ERBB4: variants seen among roughly 807,000 people sequenced by gnomAD.
The protein encoded by ERBB4 is receptor tyrosine-protein kinase erbB-4.
ERBB4 carries 42 observed loss-of-function variants against 158.0 expected under a neutral mutation model. That is an observed-to-expected ratio of 0.27 (90% confidence interval 0.21 to 0.34). The LOEUF is 0.34. Among genes scored for constraint, ERBB4 ranks in the 10% least tolerant of loss-of-function variants. ERBB4 has a pLI of 1.00. For synonymous variants in ERBB4, 583 were observed against 558.7 expected, an observed-to-expected ratio of 1.04 and a Z score of -0.61; for missense variants, 1,333 against 1,624.1, an observed-to-expected ratio of 0.82 and a Z score of 3.08.
At chr2:212,297,206 T>G (rs17346823) in intron 1 of ERBB4, among the ~76,000 whole-genome samples, 1 of 151,984 alleles carries the variant, frequency 6.6e-6, no homozygotes, top group Non-Finnish European at 1.5e-5. Flanking sequence ...TAAAATTAAT[T>G]GGTAGCAATA....
chr2:211,565,708 G>A (rs1255828062), intron 19 of ERBB4, among the ~76,000 whole-genome samples: 1 of 152,122 alleles, frequency 6.6e-6, no homozygotes, highest in East Asian at 1.9e-4. Context: ...GGGTATGTGG[G>A]CTTCCCAGAT....
At chr2:211,944,211 TATACAC>T (rs1479354219) in intron 3 of ERBB4, among the ~76,000 whole-genome samples, 3 of 34,640 alleles carry the variant, frequency 8.7e-5, no homozygotes, top group African/African-American at 4.3e-4. Flanking sequence ...TATATATATA[TATACAC>T]ACACACACAA....
chr2:212,349,317 A>ACACACACACC (rs1389746432), intron 1 of ERBB4, among the ~76,000 whole-genome samples: 2 of 151,278 alleles, frequency 1.3e-5, no homozygotes, highest in African/African-American at 4.9e-5. Context: ...ACACACACAC[A>ACACACACACC]CACACCCTTC....
chr2:211,424,072 G>T, intron 23 of ERBB4, 83 bp downstream of exon 23: 1 of 1,356,042 alleles, frequency 7.4e-7, no homozygotes, highest in South Asian at 1.2e-5. Flanking sequence ...TTTCAATACA[G>T]AGAAATGTTG....
chr2:212,460,893 C>T (rs766654961), intron 1 of ERBB4, among the ~76,000 whole-genome samples: 3 of 152,174 alleles, frequency 2.0e-5, no homozygotes, highest in Non-Finnish European at 2.9e-5. Flanking sequence ...CTATCACAGG[C>T]CCAGAGGCCT....
At chr2:211,677,333 G>C (rs1174816006) in intron 13 of ERBB4, among the ~76,000 whole-genome samples, 1 of 152,104 alleles carries the variant, frequency 6.6e-6, no homozygotes, top group African/African-American at 2.4e-5. Flanking sequence ...GGGAGGCCGA[G>C]GCAGGCAGAT....
intron 3 of ERBB4, among the ~76,000 whole-genome samples, chr2:211,808,224 T>C (rs531619958): frequency 6.6e-6 from 1 of 152,200 alleles, no homozygotes; most frequent in Non-Finnish European, 1.5e-5. Flanking sequence ...TGAATGGTAT[T>C]GCCTAGGTTT....
At chr2:212,154,902 T>C (rs2125635595) in intron 1 of ERBB4, among the ~76,000 whole-genome samples, 1 of 152,278 alleles carries the variant, frequency 6.6e-6, no homozygotes, top group Middle Eastern at 3.4e-3. Context: ...TTTTAATTAA[T>C]AACAATTATC....
intron 17 of ERBB4, among the ~76,000 whole-genome samples, chr2:211,624,280 A>C (rs2069750590): frequency 6.6e-6 from 1 of 152,120 alleles, no homozygotes; most frequent in Admixed American, 6.6e-5. Flanking sequence ...GGGCAAACAC[A>C]AGTAACAAAT....
In ERBB4 at chr2:211,377,926, T is replaced by C. The variant is rs908700652; in HGVS notation, c.*5689A>G. On this transcript the variant is annotated 3_prime_UTR_variant, in exon 28 of 28. Transcript: ENST00000342788. ...AAATATTCTCTATGCGGTAGTTTGATAGTTCACTTAAACAGTGTCCAAATT... is the reference window on the plus strand; with the variant it reads ...AAATATTCTCTATGCGGTAGTTTGACAGTTCACTTAAACAGTGTCCAAATT... 4 of 232,850 alleles carry C rather than the reference T, an allele frequency of 1.7e-5. No homozygotes were observed. The highest frequency in any genetic ancestry group is 2.6e-5 in the Non-Finnish European group (3 of 117,510). The allele number at this position is 232,850 out of a possible 1,614,324, so 14.4% of individuals were successfully genotyped here.
chr2:212,215,419 C>T (rs2083067738), intron 1 of ERBB4, among the ~76,000 whole-genome samples: 1 of 151,324 alleles, frequency 6.6e-6, no homozygotes, highest in Non-Finnish European at 1.5e-5. Context: ...CATTTTTCAT[C>T]ATAAAAATTC....
chr2:212,004,170 C>T (rs2125289943), intron 2 of ERBB4, among the ~76,000 whole-genome samples: 1 of 152,066 alleles, frequency 6.6e-6, no homozygotes, highest in African/African-American at 2.4e-5. Flanking sequence ...ATTTGTAGAG[C>T]TAAAAAAATT....
At chr2:211,810,852 T>A (rs1456300236) in intron 3 of ERBB4, among the ~76,000 whole-genome samples, 1 of 151,728 alleles carries the variant, frequency 6.6e-6, no homozygotes, top group African/African-American at 2.4e-5. Context: ...TTTTTTGTAT[T>A]TTTAGTAGAG....
At chr2:211,550,235 T>C (rs1297426762) in intron 20 of ERBB4, among the ~76,000 whole-genome samples, 2 of 152,018 alleles carry the variant, frequency 1.3e-5, no homozygotes, top group African/African-American at 2.4e-5. Context: ...TTGTTAGCAA[T>C]AGTCACCCTT....
chr2:212,147,194 T>A (rs1351888920), intron 1 of ERBB4, among the ~76,000 whole-genome samples: 1 of 90,758 alleles, frequency 1.1e-5, no homozygotes. Flanking sequence ...TTTGTAGAGA[T>A]GGGGTTTTGC....
intron 25 of ERBB4, among the ~76,000 whole-genome samples, chr2:211,417,316 AT>A (rs2063415598): frequency 1.4e-5 from 2 of 139,056 alleles, no homozygotes; most frequent in East Asian, 2.3e-4. Context: ...CTACAAAAAA[AT>A]ATAAAAAAAA....
At chr2:211,758,494 T>G (rs927794177) in intron 4 of ERBB4, among the ~76,000 whole-genome samples, 2 of 152,204 alleles carry the variant, frequency 1.3e-5, no homozygotes, top group Admixed American at 6.5e-5. Context: ...TTATCACTGT[T>G]TATAGCTGCT....
chr2:211,592,179 C>G (rs62180247), intron 19 of ERBB4, among the ~76,000 whole-genome samples: 6,394 of 88,720 alleles, frequency 0.072, 180 homozygotes, highest in South Asian at 0.18. Context: ...GCTAGACGCC[C>G]GGTAGACGCA....
At chr2:212,215,712 T>C (rs1238163949) in intron 1 of ERBB4, among the ~76,000 whole-genome samples, 3 of 151,406 alleles carry the variant, frequency 2.0e-5, no homozygotes, top group Admixed American at 6.6e-5. Context: ...AAAAAAATCT[T>C]GTGAAGGAAA....
Sources: allele counts gnomAD v4.1 joint callset (sites outside exome capture counted in the v4.1 genomes callset), GRCh38; gene constraint gnomAD v4.1.1; transcripts MANE v1.5; gene names NCBI Gene and HGNC (gene_info 2026-07-23, HGNC 2026-07-21).